The following IGF2BP3 variants were observed in gnomAD, a reference collection of about 807,000 sequenced individuals.
IGF2BP3 encodes the protein insulin like growth factor 2 mRNA binding protein 3.
In IGF2BP3, 9 loss-of-function variants were observed where a neutral mutation model predicts 73.8. The ratio of observed to expected loss-of-function variants is 0.12; its 90% CI spans 0.07 to 0.21. IGF2BP3 has a LOEUF of 0.21. IGF2BP3 is among the 10% of genes least tolerant of loss of function. The probability of loss-of-function intolerance (pLI) is 1.00; values close to 1 mark genes in which losing one functional copy is unlikely to be tolerated. For missense variants in IGF2BP3, 542 were observed against 714.0 expected (o/e 0.76, Z 2.75); for synonymous variants, 258 against 256.7 (o/e 1.01, Z -0.05).
intron 3 of IGF2BP3, among the ~76,000 whole-genome samples, chr7:23,374,686 CGAT>C (rs1277257541): frequency 3.3e-5 from 5 of 151,516 alleles, no homozygotes; most frequent in African/African-American, 4.9e-5. Flanking sequence ...CCAATAGTGA[CGAT>C]GATGATGATG....
chr7:23,406,360 G>A (rs769658079), intron 3 of IGF2BP3, among the ~76,000 whole-genome samples: 1 of 152,110 alleles, frequency 6.6e-6, no homozygotes, highest in Non-Finnish European at 1.5e-5. Flanking sequence ...ATTGTGTCCG[G>A]AATTGGTTTC....
In IGF2BP3 at chr7:23,316,674, C is replaced by CAA. The variant is rs1271667588; in HGVS notation, c.1395+963_1395+964dup. Among the ~76,000 whole-genome samples, 252 of 49,498 alleles carry CAA rather than the reference C, an allele frequency of 5.1e-3. 3 individuals carry two copies. The highest frequency in any genetic ancestry group is 0.012 in the South Asian group (15 of 1,288). The allele number at this position is 49,498 out of a possible 152,430, so 32.5% of individuals were successfully genotyped here. A position where few individuals can be genotyped will look rare whatever the true frequency, so the allele number is the denominator to read the frequency against. ...TGGGCGACAGAGTGAGACTCTGTCT[C>CAA]AAAAAAAAAAAAAAAAAAAAGAGAA... is the stretch of plus-strand genomic sequence containing the variant. On this transcript the variant is annotated intron_variant, in intron 12 of 14. Transcript: ENST00000258729.
chr7:23,344,968 CT>C (rs1246295678), intron 8 of IGF2BP3, among the ~76,000 whole-genome samples: 5 of 152,212 alleles, frequency 3.3e-5, no homozygotes, highest in African/African-American at 1.2e-4. Flanking sequence ...TTTTAAAACT[CT>C]CCCCTTTCTG....
At chr7:23,444,337 A>G (rs909089884) in intron 2 of IGF2BP3, among the ~76,000 whole-genome samples, 2 of 152,192 alleles carry the variant, frequency 1.3e-5, no homozygotes, top group African/African-American at 4.8e-5. Flanking sequence ...TTATTGACCT[A>G]CATATGGGTG....
intron 3 of IGF2BP3, among the ~76,000 whole-genome samples, chr7:23,409,416 C>G (rs924656692): frequency 1.3e-5 from 2 of 151,992 alleles, no homozygotes; most frequent in Admixed American, 6.6e-5. Context: ...CCAAAATACA[C>G]GTGGAAAAGC....
intron 3 of IGF2BP3, among the ~76,000 whole-genome samples, chr7:23,390,420 C>T (rs929320398): frequency 6.6e-6 from 1 of 151,718 alleles, no homozygotes; most frequent in Non-Finnish European, 1.5e-5. Flanking sequence ...ACTAAACAAG[C>T]GTAGATCTGT....
At chr7:23,401,016 GTC>G (rs1360558396) in intron 3 of IGF2BP3, among the ~76,000 whole-genome samples, 1 of 152,124 alleles carries the variant, frequency 6.6e-6, no homozygotes, top group Non-Finnish European at 1.5e-5. Context: ...GCCCAGGTTG[GTC>G]TCAAACTCCT....
At chr7:23,392,074 C>T (rs1786294606) in intron 3 of IGF2BP3, among the ~76,000 whole-genome samples, 1 of 152,162 alleles carries the variant, frequency 6.6e-6, no homozygotes, top group Admixed American at 6.5e-5. Context: ...ACCCGCTACA[C>T]ACCCTAACCA....
intron 10 of IGF2BP3, among the ~76,000 whole-genome samples, chr7:23,323,021 C>CAA (rs1439256316): frequency 6.6e-6 from 1 of 152,086 alleles, no homozygotes; most frequent in Non-Finnish European, 1.5e-5. Flanking sequence ...AACTAACGAG[C>CAA]AAAATAACCA....
chr7:23,452,193 A>C (rs1167647703), intron 2 of IGF2BP3, among the ~76,000 whole-genome samples: 1 of 151,592 alleles, frequency 6.6e-6, no homozygotes, highest in East Asian at 2.0e-4. Flanking sequence ...TTTAGTAGAG[A>C]TGGGGTTTCA....
chr7:23,312,508 A>G, intron 14 of IGF2BP3, 48 bp from the exon 15 acceptor site: 1 of 1,307,772 alleles, frequency 7.6e-7, no homozygotes. Context: ...AAAGCTACTA[A>G]AAGTTATTGT....
intron 3 of IGF2BP3, among the ~76,000 whole-genome samples, chr7:23,368,858 T>C (rs1034838669): frequency 5.3e-5 from 8 of 151,316 alleles, no homozygotes; most frequent in Middle Eastern, 3.4e-3. Context: ...GATGGCGCCA[T>C]TGCACTCCAG....
rs1783814604 is a variant in IGF2BP3, at chr7:23,311,093, T to C, written c.*1269A>G. The C allele has an allele frequency of 6.6e-6, 1 of 152,222 alleles. No individual in the cohort carries two copies. Among genetic ancestry groups the C allele is most frequent in the South Asian group, 2.1e-4 (1 of 4,836 alleles). The allele number at this position is 152,222 out of a possible 1,614,324, so 9.4% of individuals were successfully genotyped here. A position where few individuals can be genotyped will look rare whatever the true frequency, so the allele number is the denominator to read the frequency against. Reference sequence around the variant, plus strand: ...AGTATACAGAAATCCTGTTATACTTTACTACTTAAGGTGGAGTCTAATTTT... The same window carrying C: ...AGTATACAGAAATCCTGTTATACTTCACTACTTAAGGTGGAGTCTAATTTT... On this transcript the variant is annotated 3_prime_UTR_variant, in exon 15 of 15. Coordinates refer to ENST00000258729, the MANE Select transcript of IGF2BP3 (RefSeq NM_006547.3).
At chr7:23,422,710 T>C (rs779922963) in intron 2 of IGF2BP3, among the ~76,000 whole-genome samples, 1 of 152,236 alleles carries the variant, frequency 6.6e-6, no homozygotes, top group African/African-American at 2.4e-5. Context: ...CCAGAATAAT[T>C]ATTTCCCTTA....
intron 10 of IGF2BP3, among the ~76,000 whole-genome samples, chr7:23,321,987 A>C (rs1784167803): frequency 6.6e-6 from 1 of 152,210 alleles, no homozygotes; most frequent in South Asian, 2.1e-4. Context: ...ACAGAGCAAA[A>C]AAACTGGAAA....
chr7:23,443,942 G>C (rs1402723734), intron 2 of IGF2BP3, among the ~76,000 whole-genome samples: 1 of 152,198 alleles, frequency 6.6e-6, no homozygotes, highest in Non-Finnish European at 1.5e-5. Flanking sequence ...CCAGGAGGCG[G>C]AGGATGCAGT....
intron 10 of IGF2BP3, among the ~76,000 whole-genome samples, chr7:23,341,022 G>A (rs1490431558): frequency 6.6e-6 from 1 of 151,568 alleles, no homozygotes; most frequent in Non-Finnish European, 1.5e-5. Flanking sequence ...CTAATTTTTT[G>A]TATTTTTAGT....
chr7:23,392,690 C>T (rs1786323551), intron 3 of IGF2BP3, among the ~76,000 whole-genome samples: 1 of 152,072 alleles, frequency 6.6e-6, no homozygotes, highest in Non-Finnish European at 1.5e-5. Context: ...AGTATGATTG[C>T]ATGATCACGG....
rs779431608 is a variant in IGF2BP3, at chr7:23,405,327, T to C, written c.285+13449A>G. On this transcript the variant is annotated intron_variant, in intron 3 of 14. Transcript: ENST00000258729. ...GCAGTTAAAAAATCTAGACAGAAAG[T>C]ATCAAACAATAATTTGAAGACTCAA... is the stretch of plus-strand genomic sequence containing the variant. Among the ~76,000 whole-genome samples, 40 of 152,182 alleles carry C rather than the reference T, an allele frequency of 2.6e-4. 1 individual carries two copies. Among genetic ancestry groups the C allele is most frequent in the Non-Finnish European group, 5.3e-4 (36 of 68,034 alleles).
Sources: gnomAD v4.1 joint callset for allele counts (sites outside exome capture counted in the v4.1 genomes callset) on GRCh38, gnomAD v4.1.1 for gene constraint, MANE v1.5 for transcripts, NCBI Gene and HGNC (gene_info 2026-07-23, HGNC 2026-07-21) for gene names.